Variants in HHAT observed in about 807,000 individuals in gnomAD.
HHAT encodes the protein hedgehog acyltransferase.
Under a neutral mutation model 70.8 loss-of-function variants are expected in HHAT, and 47 were observed. The ratio of observed to expected loss-of-function variants is 0.66; its 90% CI spans 0.53 to 0.85. The LOEUF is 0.85. Ranked by LOEUF, HHAT falls within the 40% of genes least tolerant of loss-of-function variation. The pLI is 0.00. For missense variants in HHAT, 609 were observed against 604.8 expected, an observed-to-expected ratio of 1.01 and a Z score of -0.07; for synonymous variants, 228 against 247.6, an observed-to-expected ratio of 0.92 and a Z score of 0.74.
chr1:210,586,023 A>G (rs1287824980), intron 9 of HHAT, among the ~76,000 whole-genome samples: 3 of 152,218 alleles, frequency 2.0e-5, no homozygotes, highest in Non-Finnish European at 4.4e-5. Flanking sequence ...TAGAGAGCTT[A>G]GAGGAGCTTG....
At chr1:210,662,132 C>A (rs931685106) in intron 11 of HHAT, among the ~76,000 whole-genome samples, 1 of 152,146 alleles carries the variant, frequency 6.6e-6, no homozygotes, top group Non-Finnish European at 1.5e-5. Flanking sequence ...TGTCACTGAG[C>A]CTTTTGTCAT....
chr1:210,360,901 T>C (rs2088234125), intron 2 of HHAT, among the ~76,000 whole-genome samples: 1 of 148,866 alleles, frequency 6.7e-6, no homozygotes, highest in South Asian at 2.1e-4. Flanking sequence ...AAATTTTAAG[T>C]GTGGTTCGTG....
intron 4 of HHAT, among the ~76,000 whole-genome samples, chr1:210,390,306 C>T (rs1209617497): frequency 6.6e-6 from 1 of 151,930 alleles, no homozygotes; most frequent in Non-Finnish European, 1.5e-5. Context: ...AATATTAAAC[C>T]CCCTCTCCCT....
intron 8 of HHAT, among the ~76,000 whole-genome samples, chr1:210,471,103 T>A (rs981551858): frequency 1.3e-5 from 2 of 152,150 alleles, no homozygotes; most frequent in Non-Finnish European, 2.9e-5. Flanking sequence ...CTTCTGAAAT[T>A]TTGATCACCA....
At chr1:210,673,759 T>C (rs1445170307) in intron 11 of HHAT, among the ~76,000 whole-genome samples, 5 of 135,128 alleles carry the variant, frequency 3.7e-5, no homozygotes, top group Non-Finnish European at 8.0e-5. Flanking sequence ...GCCTGGCTTA[T>C]TTATTATTTA....
At chr1:210,469,998 C>T (rs774763743) in intron 8 of HHAT, among the ~76,000 whole-genome samples, 25 of 152,110 alleles carry the variant, frequency 1.6e-4, no homozygotes, top group Non-Finnish European at 2.9e-4. Flanking sequence ...CTTTTCTCCC[C>T]ACACCTGGCT....
At chr1:210,479,866 T>A (rs2094365486) in intron 8 of HHAT, among the ~76,000 whole-genome samples, 1 of 152,204 alleles carries the variant, frequency 6.6e-6, no homozygotes, top group South Asian at 2.1e-4. Flanking sequence ...AATGATGTAG[T>A]CTAGAGAATA....
At chr1:210,505,280 A>G (rs2094833451) in intron 8 of HHAT, among the ~76,000 whole-genome samples, 2 of 152,126 alleles carry the variant, frequency 1.3e-5, no homozygotes, top group African/African-American at 4.8e-5. Context: ...GGTGCCAGTT[A>G]CTATGTGATG....
chr1:210,513,353 C>T (rs1265233505), intron 9 of HHAT, among the ~76,000 whole-genome samples, 165 bp downstream of exon 9: 2 of 152,124 alleles, frequency 1.3e-5, no homozygotes, highest in Non-Finnish European at 2.9e-5. Flanking sequence ...CCCAGAATCA[C>T]ACGATTAAAC....
chr1:210,577,283 G>T (rs1036644957), intron 9 of HHAT, among the ~76,000 whole-genome samples: 1 of 152,026 alleles, frequency 6.6e-6, no homozygotes, highest in East Asian at 1.9e-4. Flanking sequence ...AAGACTTTCA[G>T]TTTTTCAATG....
At chr1:210,383,428 T>TATGG (rs2090805635) in intron 3 of HHAT, among the ~76,000 whole-genome samples, 1 of 151,612 alleles carries the variant, frequency 6.6e-6, no homozygotes, top group Non-Finnish European at 1.5e-5. Context: ...AAAAGTAAAA[T>TATGG]ATGGAGACAG....
intron 1 of HHAT, among the ~76,000 whole-genome samples, chr1:210,348,331 C>T (rs1022774934): frequency 1.3e-5 from 2 of 152,142 alleles, no homozygotes; most frequent in African/African-American, 4.8e-5. Context: ...GAACTCCTGG[C>T]CTCAAGTGAT....
intron 8 of HHAT, among the ~76,000 whole-genome samples, chr1:210,495,141 G>A (rs1450086587): frequency 1.3e-5 from 2 of 152,042 alleles, no homozygotes; most frequent in Admixed American, 6.6e-5. Flanking sequence ...CCAAGACAAC[G>A]TGGGGTCCTA....
chr1:210,672,112 T>A (rs1213227724), intron 11 of HHAT, among the ~76,000 whole-genome samples: 1 of 152,244 alleles, frequency 6.6e-6, no homozygotes, highest in Non-Finnish European at 1.5e-5. Context: ...AGTAAGTTGC[T>A]GTATCCCTAG....
chr1:210,548,977 C>T (rs1271796734), intron 9 of HHAT, among the ~76,000 whole-genome samples: 2 of 152,194 alleles, frequency 1.3e-5, no homozygotes, highest in African/African-American at 4.8e-5. Context: ...GGCAGGGCTT[C>T]TCAGATGGCA....
intron 4 of HHAT, among the ~76,000 whole-genome samples, chr1:210,392,296 C>G (rs1253319677): frequency 6.6e-6 from 1 of 152,150 alleles, no homozygotes; most frequent in Admixed American, 6.5e-5. Flanking sequence ...CCATACACAT[C>G]AGGACCCACA....
chr1:210,493,936 A>G (rs144344763), intron 8 of HHAT, among the ~76,000 whole-genome samples: 6 of 152,336 alleles, frequency 3.9e-5, no homozygotes, highest in Non-Finnish European at 7.4e-5. Flanking sequence ...CTGTCTTTAA[A>G]GTAGGCACTT....
In HHAT at chr1:210,656,636, C is replaced by T. The variant is rs1435079634; in HGVS notation, c.1391-17652C>T. 3.3e-5 allele frequency among the ~76,000 whole-genome samples: 5 copies of T among 152,176 alleles called. No homozygotes were observed. In the East Asian group the frequency reaches 5.8e-4, roughly 18 times the overall value. On this transcript the variant is annotated intron_variant, in intron 11 of 11. Coordinates refer to ENST00000261458, the MANE Select transcript of HHAT (RefSeq NM_018194.6). ...TCACCGTCAGCAGAGAACCCTTGGT[C>T]GCCAGGGTTTCCACGTGGGTTTGAT...
intron 6 of HHAT, among the ~76,000 whole-genome samples, chr1:210,413,542 CA>C (rs1465291380): frequency 2.0e-5 from 3 of 152,204 alleles, no homozygotes; most frequent in Admixed American, 6.5e-5. Flanking sequence ...CAAGAGGAGC[CA>C]AGTTGCACCT....
Sources: gnomAD v4.1 joint callset for allele counts (sites outside exome capture counted in the v4.1 genomes callset) on GRCh38, gnomAD v4.1.1 for gene constraint, MANE v1.5 for transcripts, NCBI Gene and HGNC (gene_info 2026-07-23, HGNC 2026-07-21) for gene names.